The following ITGA11 variants were observed in gnomAD, a reference collection of about 807,000 sequenced individuals.
ITGA11 encodes the protein integrin alpha-11.
A neutral mutation model predicts 141.9 loss-of-function variants in ITGA11; 97 were observed. The observed-to-expected ratio is 0.68, with a 90% CI of 0.58 to 0.81. The LOEUF is 0.81. Among genes scored for constraint, ITGA11 ranks in the 30% least tolerant of loss-of-function variants. The probability of loss-of-function intolerance (pLI) is 0.00; values close to 1 mark genes in which losing one functional copy is unlikely to be tolerated. For missense variants in ITGA11, 1,387 were observed against 1,559.2 expected (o/e 0.89, Z 1.86); for synonymous variants, 658 against 624.6 (o/e 1.05, Z -0.80).
chr15:68,314,920 A>G (rs1354043111), intron 22 of ITGA11, among the ~76,000 whole-genome samples: 1 of 152,134 alleles, frequency 6.6e-6, no homozygotes, highest in Non-Finnish European at 1.5e-5. Flanking sequence ...TTTGCCATTT[A>G]TAAGGCTCCA....
intron 1 of ITGA11, among the ~76,000 whole-genome samples, chr15:68,404,879 CTTAT>C (rs1019648142): frequency 3.3e-5 from 5 of 152,152 alleles, no homozygotes; most frequent in African/African-American, 1.2e-4. Flanking sequence ...ATGTGGGATA[CTTAT>C]TTAGTTTCAA....
In ITGA11 at chr15:68,414,062, G is replaced by GTCAGAAA. The variant is rs563330632; in HGVS notation, c.53-11034_53-11033insTTTCTGA. Among the ~76,000 whole-genome samples, 8 of 152,310 alleles carry GTCAGAAA rather than the reference G, an allele frequency of 5.3e-5. No homozygotes were observed. The East Asian group carries it at 1.3e-3, about 26-fold the overall frequency. ...TCAGAAAGACAGAGGCCTTGGTGGG[G>GTCAGAAA]GTCCAGGCGATGTGGTCACCTTTCC... On this transcript the variant is annotated intron_variant, in intron 1 of 29. Coordinates refer to ENST00000315757, the MANE Select transcript of ITGA11 (RefSeq NM_001004439.2).
In ITGA11 at chr15:68,421,355, G is replaced by A. The variant is rs117928738; in HGVS notation, c.52+10660C>T. Among the ~76,000 whole-genome samples, 1,240 of 152,342 alleles carry A rather than the reference G, an allele frequency of 8.1e-3. 13 individuals carry two copies. Among genetic ancestry groups the A allele is most frequent in the Non-Finnish European group, 0.012 (798 of 68,024 alleles). On this transcript the variant is annotated intron_variant, in intron 1 of 29. Coordinates refer to ENST00000315757, the MANE Select transcript of ITGA11 (RefSeq NM_001004439.2). ...GGGTGGAGCGGAGTGAGCCAGTGGG[G>A]AAGGCACAGAGGAGGAAGTCAGAAA...
At chr15:68,377,833 T>C (rs1006208509) in intron 2 of ITGA11, among the ~76,000 whole-genome samples, 1 of 152,218 alleles carries the variant, frequency 6.6e-6, no homozygotes, top group African/African-American at 2.4e-5. Flanking sequence ...AACCCTTCTC[T>C]AGCTGTGCCC....
At chr15:68,371,297 T>C (rs1170046054) in intron 2 of ITGA11, among the ~76,000 whole-genome samples, 24 of 152,116 alleles carry the variant, frequency 1.6e-4, no homozygotes, top group Admixed American at 1.6e-3. Flanking sequence ...GTTTTCAAGG[T>C]TAACCTGACA....
intron 10 of ITGA11, among the ~76,000 whole-genome samples, chr15:68,344,528 G>C (rs1346135948): frequency 1.3e-5 from 2 of 152,154 alleles, no homozygotes; most frequent in African/African-American, 4.8e-5. Flanking sequence ...TGAAGAGGCA[G>C]GAGGGTGGCT....
chr15:68,339,146 G>T (rs1177869836), intron 11 of ITGA11, among the ~76,000 whole-genome samples: 1 of 152,220 alleles, frequency 6.6e-6, no homozygotes, highest in East Asian at 1.9e-4. Flanking sequence ...GCCTTTGGGA[G>T]GCAGGCTCAG....
At chr15:68,377,780 C>T (rs1456237188) in intron 2 of ITGA11, among the ~76,000 whole-genome samples, 2 of 152,214 alleles carry the variant, frequency 1.3e-5, no homozygotes, top group Non-Finnish European at 2.9e-5. Context: ...TCAATGCCCC[C>T]GTTGGACTGT....
chr15:68,303,161 G>A lies in ITGA11; in HGVS notation c.3496-31C>T, dbSNP rs760743365. On this transcript the variant is annotated intron_variant, in intron 29 of 29. Coordinates refer to ENST00000315757, the MANE Select transcript of ITGA11 (RefSeq NM_001004439.2). The surrounding 1 kb of genome is among the most constrained non-coding windows in gnomAD (Gnocchi z 5.3). Reference sequence around the variant, plus strand: ...AGGAGGCAAAGGGAGACGTCTCAGAGGAGGACAGGGTGGGCAAGGCCTGCC... The same window carrying A: ...AGGAGGCAAAGGGAGACGTCTCAGAAGAGGACAGGGTGGGCAAGGCCTGCC... 2.6e-6 allele frequency: 4 copies of A among 1,544,068 alleles called. No homozygotes were observed. Among genetic ancestry groups the A allele is most frequent in the African/African-American group, 2.7e-5 (2 of 72,796 alleles).
Position 68,300,548 on chromosome 15 carries a change from C to T in ITGA11, c.*2511G>A, listed in dbSNP as rs1893003380. The T allele has an allele frequency of 6.6e-6, 1 of 152,224 alleles. No individual in the cohort carries two copies. Among genetic ancestry groups the T allele is most frequent in the African/African-American group, 2.4e-5 (1 of 41,446 alleles). 9.4% of individuals were successfully genotyped at this position (152,224 alleles called of 1,614,324 possible). A position where few individuals can be genotyped will look rare whatever the true frequency, so the allele number is the denominator to read the frequency against. On this transcript the variant is annotated 3_prime_UTR_variant, in exon 30 of 30. Coordinates refer to ENST00000315757, the MANE Select transcript of ITGA11 (RefSeq NM_001004439.2). ...TCCCTATAAGATGCATCTTTGTTTG[C>T]TCTACCAGGCACTCTTAAGGCTCAT...
chr15:68,328,131 A>T lies in ITGA11; in HGVS notation c.2033T>A (p.Ile678Asn). 6.2e-7 allele frequency: 1 copy of T among 1,613,770 alleles called. No homozygotes were observed. Among genetic ancestry groups the T allele is most frequent in the Non-Finnish European group, 8.5e-7 (1 of 1,179,852 alleles). ...CLAAFLCFTP[I>N]FLAPHFQTTT... Reference sequence around the variant, plus strand: ...TGTTTGGAAATGGGGTGCCAGGAAGATGGGCGTGAAGCAGAGGAAGGCGGC... The same window carrying T: ...TGTTTGGAAATGGGGTGCCAGGAAGTTGGGCGTGAAGCAGAGGAAGGCGGC... The change falls in exon 16 of 30, where the codon ATC becomes AAC. Residue 678 changes from isoleucine (I) to asparagine (N), a missense_variant. Physicochemically the swap from Ile to Asn is moderately radical, Grantham distance 149. Transcript: ENST00000315757. This position sits in a 1 kb window ranked among gnomAD's most constrained non-coding sequence, Gnocchi z 4.8.
chr15:68,351,423 C>A, intron 7 of ITGA11, 21 bp from the exon 8 acceptor site: 1 of 1,612,462 alleles, frequency 6.2e-7, no homozygotes, highest in Non-Finnish European at 8.5e-7. Context: ...AGCACAGGGG[C>A]AGGGTCATGA....
chr15:68,368,859 C>CTTTTTT (rs1491217604), intron 3 of ITGA11, among the ~76,000 whole-genome samples: 13 of 69,000 alleles, frequency 1.9e-4, no homozygotes, highest in African/African-American at 7.2e-4. Flanking sequence ...GACAGGAAGT[C>CTTTTTT]CTTTTTTTTT....
At chr15:68,393,574 G>T (rs1285821603) in intron 2 of ITGA11, among the ~76,000 whole-genome samples, 1 of 152,096 alleles carries the variant, frequency 6.6e-6, no homozygotes, top group Non-Finnish European at 1.5e-5. Context: ...ATTTTAAAGT[G>T]CTAAAAGAAA....
At chr15:68,309,720 C>T (rs1347486154) in intron 26 of ITGA11, among the ~76,000 whole-genome samples, 8 of 150,854 alleles carry the variant, frequency 5.3e-5, no homozygotes, top group East Asian at 2.0e-4. Flanking sequence ...CAGCCCGAGT[C>T]GCTGGGACTA....
chr15:68,391,278 G>A (rs191241854), intron 2 of ITGA11, among the ~76,000 whole-genome samples: 1 of 152,324 alleles, frequency 6.6e-6, no homozygotes, highest in East Asian at 1.9e-4. Context: ...TCCAGTGGCT[G>A]CAATGGGTGG....
chr15:68,418,279 G>A (rs1007876180), intron 1 of ITGA11, among the ~76,000 whole-genome samples: 2 of 152,206 alleles, frequency 1.3e-5, no homozygotes, highest in Admixed American at 1.3e-4. Flanking sequence ...AAAATGAATA[G>A]AAGTATTCAG....
intron 3 of ITGA11, among the ~76,000 whole-genome samples, chr15:68,367,835 A>G (rs1895473970): frequency 6.6e-6 from 1 of 152,198 alleles, no homozygotes; most frequent in Admixed American, 6.5e-5. Context: ...CTCCGCATGG[A>G]CACACAGCAA....
chr15:68,332,178 G>A (rs560513897), intron 13 of ITGA11, 116 bp from the exon 14 acceptor site: 31 of 1,234,928 alleles, frequency 2.5e-5, no homozygotes, highest in South Asian at 1.1e-4. Flanking sequence ...CCAGAACCCC[G>A]TCTCTGGCTA....
Sources: gnomAD v4.1 joint callset for allele counts (sites outside exome capture counted in the v4.1 genomes callset) on GRCh38, gnomAD v4.1.1 for gene constraint, Gnocchi (gnomAD v3.1) non-coding constraint, MANE v1.5 for transcripts, NCBI Gene and HGNC (gene_info 2026-07-23, HGNC 2026-07-21) for gene names.